Variants in EPS15 observed in about 807,000 individuals in gnomAD.
EPS15 encodes epidermal growth factor receptor pathway substrate 15.
Under a neutral mutation model 113.8 loss-of-function variants are expected in EPS15, and 72 were observed. That is an observed-to-expected ratio of 0.63 (90% CI 0.52 to 0.77). The LOEUF (loss-of-function observed/expected upper bound fraction) is 0.77, where lower values mean the gene tolerates loss of function less well. Among genes scored for constraint, EPS15 ranks in the 30% least tolerant of loss-of-function variants. EPS15 has a pLI of 0.00. For synonymous variants in EPS15, 344 were observed against 363.4 expected (o/e 0.95, Z 0.61); for missense variants, 1,048 against 1,045.8 (o/e 1.00, Z -0.03).
rs1648669104 is a variant in EPS15 at position 51,402,455 on chromosome 1, T to C, written c.1862A>G (p.Gln621Arg). Residue 621 changes from glutamine to arginine, a missense_variant, in exon 18 of 25, where the codon CAG becomes CGG. By Grantham distance (43) the Gln-to-Arg change is conservative. Coordinates refer to ENST00000371733, the MANE Select transcript of EPS15 (RefSeq NM_001981.3). ...PVADTNLDFF[Q>R]SDPFVGSDPF... ...CTTACTGCCAACAAAAGGATCAGAC[T>C]GGAAAAAATCCAAGTTTGTATCTGC... is the stretch of plus-strand genomic sequence containing the variant. 2.5e-6 allele frequency: 4 copies of C among 1,581,728 alleles called. No individual in the cohort carries two copies. In the Admixed American group the frequency reaches 6.8e-5, roughly 27 times the overall value.
At chr1:51,368,032 T>C (rs1646546171) in intron 21 of EPS15, among the ~76,000 whole-genome samples, 1 of 152,142 alleles carries the variant, frequency 6.6e-6, no homozygotes, top group Admixed American at 6.5e-5. Flanking sequence ...CTCAGGAGGC[T>C]GAGGCAGGAG....
chr1:51,497,087 C>A (rs1315665517), intron 1 of EPS15, among the ~76,000 whole-genome samples: 2 of 152,196 alleles, frequency 1.3e-5, no homozygotes, highest in African/African-American at 2.4e-5. Context: ...TTCAATGTTA[C>A]ATATAGAATA....
chr1:51,441,524 A>T (rs1652596929), intron 11 of EPS15, among the ~76,000 whole-genome samples: 2 of 152,134 alleles, frequency 1.3e-5, no homozygotes, highest in African/African-American at 2.4e-5. Flanking sequence ...GACTTTATAT[A>T]ACAGAACATA....
Position 51,365,936 on chromosome 1 carries a change from TA to T in EPS15, c.2196+16del, listed in dbSNP as rs775922653. ...AACACAGTATGTTTTCCCTTCCCAT[TA>T]ATTACTGTAGATTACCTTTGACAAT... On this transcript the variant is annotated intron_variant, in intron 22 of 24. Coordinates refer to ENST00000371733, the MANE Select transcript of EPS15 (RefSeq NM_001981.3). The T allele has an allele frequency of 6.5e-7, 1 of 1,542,612 alleles. No individual in the cohort carries two copies. Among genetic ancestry groups the T allele is most frequent in the African/African-American group, 1.4e-5 (1 of 72,924 alleles).
chr1:51,359,468 A>C (rs1042303926), intron 24 of EPS15, among the ~76,000 whole-genome samples: 1 of 149,858 alleles, frequency 6.7e-6, no homozygotes. Flanking sequence ...AAAAAAGGAA[A>C]GTTAAGTAAG....
intron 3 of EPS15, among the ~76,000 whole-genome samples, chr1:51,472,498 T>C (rs1655313491): frequency 1.3e-5 from 2 of 152,272 alleles, no homozygotes; most frequent in African/African-American, 4.8e-5. Context: ...CATCCCCCAG[T>C]CTATTTACCA....
chr1:51,447,581 A>G (rs1452938416), intron 9 of EPS15, among the ~76,000 whole-genome samples: 1 of 152,162 alleles, frequency 6.6e-6, no homozygotes, highest in Non-Finnish European at 1.5e-5. Context: ...GCCTTGGACA[A>G]CCCAGAATTC....
At chr1:51,508,846 T>C (rs1311220564) in intron 1 of EPS15, among the ~76,000 whole-genome samples, 1 of 152,188 alleles carries the variant, frequency 6.6e-6, no homozygotes, top group Non-Finnish European at 1.5e-5. Flanking sequence ...ATGAACTCTA[T>C]GCACCAAAAT....
At position 51,354,420 on chromosome 1, in the gene EPS15, A is replaced by G. The variant is rs1053560345; in HGVS notation, c.*2280T>C. On this transcript the variant is annotated 3_prime_UTR_variant, in exon 25 of 25. Coordinates refer to ENST00000371733, the MANE Select transcript of EPS15 (RefSeq NM_001981.3). The stretch of plus-strand genomic sequence containing the variant: ...ACTCAATTGCAAATTGGATATATGG[A>G]TGGGATTCTTTATTATTACTTAAAG... 17 of 180,320 alleles carry G rather than the reference A, an allele frequency of 9.4e-5. No individual in the cohort carries two copies. The highest frequency in any genetic ancestry group is 6.3e-5 in the Admixed American group (1 of 15,944). The allele number at this position is 180,320 out of a possible 1,614,324, so 11.2% of individuals were successfully genotyped here. A position where few individuals can be genotyped will look rare whatever the true frequency, so the allele number is the denominator to read the frequency against.
At chr1:51,452,580 T>A (rs1284316621) in intron 8 of EPS15, among the ~76,000 whole-genome samples, 1 of 152,168 alleles carries the variant, frequency 6.6e-6, no homozygotes, top group African/African-American at 2.4e-5. Flanking sequence ...ACAACATTCA[T>A]CACTGATTTC....
chr1:51,513,089 C>T (rs900611958), intron 1 of EPS15, among the ~76,000 whole-genome samples: 2 of 152,050 alleles, frequency 1.3e-5, no homozygotes, highest in African/African-American at 4.8e-5. Context: ...CCTCAGCCTC[C>T]CAAAGCACTG....
chr1:51,420,964 T>A (rs74957896), intron 13 of EPS15, among the ~76,000 whole-genome samples: 10 of 152,216 alleles, frequency 6.6e-5, no homozygotes, highest in Admixed American at 5.9e-4. Flanking sequence ...GAAATGCCCA[T>A]CCAAGAGTTC....
At chr1:51,472,390 A>G (rs1355268911) in intron 3 of EPS15, among the ~76,000 whole-genome samples, 1 of 152,192 alleles carries the variant, frequency 6.6e-6, no homozygotes, top group East Asian at 1.9e-4. Context: ...AATTATTGTG[A>G]TTATTTTTCA....
intron 18 of EPS15, 93 bp from the exon 19 acceptor site, chr1:51,401,046 A>G: frequency 1.3e-6 from 1 of 769,062 alleles, no homozygotes; most frequent in South Asian, 1.9e-5. Flanking sequence ...AAAGCAAAGC[A>G]AAGTTTATTT....
chr1:51,507,889 A>C (rs1367144707), intron 1 of EPS15, among the ~76,000 whole-genome samples: 1 of 151,860 alleles, frequency 6.6e-6, no homozygotes, highest in Admixed American at 6.6e-5. Context: ...AAATGAAAAA[A>C]CATTTAGGCC....
intron 13 of EPS15, among the ~76,000 whole-genome samples, chr1:51,413,129 A>G (rs1649885357): frequency 6.6e-6 from 1 of 152,132 alleles, no homozygotes; most frequent in South Asian, 2.1e-4. Flanking sequence ...ACATATTTCA[A>G]TGACCCTATG....
At chr1:51,406,982 G>A (rs879596195) in intron 15 of EPS15, among the ~76,000 whole-genome samples, 12 of 152,172 alleles carry the variant, frequency 7.9e-5, no homozygotes, top group Admixed American at 7.9e-4. Flanking sequence ...TCAGCTGCCA[G>A]ATAACAGGGG....
intron 1 of EPS15, among the ~76,000 whole-genome samples, chr1:51,493,563 AAT>A (rs1257420030): frequency 6.9e-6 from 1 of 144,478 alleles, no homozygotes. Context: ...TAAATAAATA[AAT>A]AAATAAATAA....
chr1:51,380,059 A>G (rs978256517), intron 21 of EPS15, among the ~76,000 whole-genome samples: 8 of 144,004 alleles, frequency 5.6e-5, no homozygotes, highest in Non-Finnish European at 1.2e-4. Flanking sequence ...GCTTCCAGGA[A>G]AAAAAAAAAA....
Sources: gnomAD v4.1 joint callset for allele counts (sites outside exome capture counted in the v4.1 genomes callset) on GRCh38, gnomAD v4.1.1 for gene constraint, MANE v1.5 for transcripts, NCBI Gene and HGNC (gene_info 2026-07-23, HGNC 2026-07-21) for gene names.